Variants in USE1 observed in about 807,000 individuals in gnomAD.
The protein encoded by USE1 is vesicle transport protein USE1.
In USE1, 32 loss-of-function variants were observed where a neutral mutation model predicts 37.6. The observed-to-expected ratio is 0.85, with a 90% CI of 0.64 to 1.14. The LOEUF (loss-of-function observed/expected upper bound fraction) is 1.14, where lower values mean the gene tolerates loss of function less well. USE1 is among the 50% of genes most tolerant of loss of function. The pLI is 0.00. For synonymous variants in USE1, 149 were observed against 137.6 expected, an observed-to-expected ratio of 1.08 and a Z score of -0.58; for missense variants, 310 against 332.2, an observed-to-expected ratio of 0.93 and a Z score of 0.52.
In USE1 at chr19:17,215,599, T is replaced by TAGCCTCTCGGGCAGC. The variant is rs2073283756; in HGVS notation, c.102+93_102+107dup. On this transcript the variant is annotated intron_variant, in intron 1 of 7. Transcript: ENST00000263897. ...ACCTGGCCCGACTCCCCGGCCCCAG[T>TAGCCTCTCGGGCAGC]AGCCTCTCGGGCAGCGCCCTTTCCG... is the stretch of plus-strand genomic sequence containing the variant. 7 of 1,455,692 alleles carry TAGCCTCTCGGGCAGC rather than the reference T, an allele frequency of 4.8e-6. No individual in the cohort carries two copies. In the East Asian group the frequency reaches 1.7e-4, roughly 36 times the overall value. The allele number at this position is 1,455,692 out of a possible 1,614,324, so 90.2% of individuals were successfully genotyped here.
At chr19:17,218,286 C>G in intron 5 of USE1, 78 bp from the exon 6 acceptor site, 1 of 1,594,316 alleles carries the variant, frequency 6.3e-7, no homozygotes, top group South Asian at 1.1e-5. Flanking sequence ...AGCAGTAGAC[C>G]CAGCACAGGC....
In USE1 at chr19:17,217,946, G is replaced by A. The variant is rs2073300809; in HGVS notation, c.395-418G>A. 4 of 352,786 alleles carry A rather than the reference G, an allele frequency of 1.1e-5. No individual in the cohort carries two copies. The Admixed American group carries it at 1.2e-4, about 11-fold the overall frequency. 21.9% of individuals were successfully genotyped at this position (352,786 alleles called of 1,614,324 possible). ...AAAAGCAAAAAAATTAGCCAGGCGT[G>A]GTGACGCACACCTGTAGTCCCAGCA... On this transcript the variant is annotated intron_variant, in intron 5 of 7. Coordinates refer to ENST00000263897, the MANE Select transcript of USE1 (RefSeq NM_018467.4).
intron 6 of USE1, among the ~76,000 whole-genome samples, 173 bp from the exon 7 acceptor site, chr19:17,219,040 T>C (rs1450311818): frequency 8.6e-5 from 12 of 138,796 alleles, no homozygotes; most frequent in African/African-American, 1.1e-4. Context: ...GGCAGGAGAA[T>C]TGCTTGAACC....
At chr19:17,218,557 G>A (rs958622788) in intron 6 of USE1, 166 bp downstream of exon 6, 10 of 798,578 alleles carry the variant, frequency 1.3e-5, no homozygotes, top group Non-Finnish European at 1.9e-5. Flanking sequence ...CAGGCGCAGT[G>A]GCTCACGCCT....
In USE1 at chr19:17,217,885, C is replaced by T. The variant is rs942299960; in HGVS notation, c.394+423C>T. On this transcript the variant is annotated intron_variant, in intron 5 of 7. Coordinates refer to ENST00000263897, the MANE Select transcript of USE1 (RefSeq NM_018467.4). ...TGAGATCACACCACTGCACTCCAGCCGGGGCGACAGAGCAAGACTCCGTCT... is the reference window on the plus strand; with the variant it reads ...TGAGATCACACCACTGCACTCCAGCTGGGGCGACAGAGCAAGACTCCGTCT... 2.3e-5 allele frequency: 8 copies of T among 342,456 alleles called. No individual in the cohort carries two copies. In the East Asian group the frequency reaches 3.2e-4, roughly 14 times the overall value. 21.2% of individuals were successfully genotyped at this position (342,456 alleles called of 1,614,324 possible).
chr19:17,217,723 C>T (rs767382689), intron 5 of USE1: 4 of 518,806 alleles, frequency 7.7e-6, no homozygotes, highest in Non-Finnish European at 1.5e-5. Context: ...ACCAACCTGG[C>T]CAACATGACA....
chr19:17,217,766 G>C (rs2073299604), intron 5 of USE1: 2 of 443,556 alleles, frequency 4.5e-6, no homozygotes, highest in African/African-American at 4.0e-5. Context: ...ACAAAACTTA[G>C]CCGGATGCAG....
chr19:17,217,332 C>G, intron 4 of USE1, 121 bp from the exon 5 acceptor site: 1 of 1,104,852 alleles, frequency 9.1e-7, no homozygotes, highest in Non-Finnish European at 1.3e-6. Flanking sequence ...GATGGAATTT[C>G]ATTATGTTGG....
chr19:17,217,806 G>C, intron 5 of USE1: 1 of 396,960 alleles, frequency 2.5e-6, no homozygotes, highest in South Asian at 1.9e-5. Context: ...CAGCTACTCG[G>C]GAGGCTGAGG....
intron 4 of USE1, 67 bp downstream of exon 4, chr19:17,216,388 G>T (rs2073291156): frequency 6.4e-7 from 1 of 1,573,410 alleles, no homozygotes; most frequent in East Asian, 2.3e-5. Context: ...CTTGTAGGCA[G>T]CCAGAACCAC....
At chr19:17,219,474 G>A (rs1047413269) in intron 7 of USE1, 87 bp downstream of exon 7, 2 of 1,459,064 alleles carry the variant, frequency 1.4e-6, no homozygotes, top group Non-Finnish European at 9.2e-7. Flanking sequence ...CTGGGGCTTT[G>A]CGGGATGAAT....
At position 17,216,032 on chromosome 19, in the gene USE1, G is replaced by A. The variant is rs765661835; in HGVS notation, c.193G>A (p.Val65Met). 6.2e-7 allele frequency: 1 copy of A among 1,610,786 alleles called. No individual in the cohort carries two copies. ...GGTGATCAATGAATATTCCTGGAAG[G>A]TGGATTTTCTGAAGGGGATGCTGCA... ...SEVINEYSWKVDFLKGMLQAE... is the reference protein window; with the variant it reads ...SEVINEYSWKMDFLKGMLQAE... The change falls in exon 3 of 8, where the codon GTG (valine) becomes ATG (methionine). Residue 65 changes from valine to methionine, a missense_variant. Coordinates refer to ENST00000263897, the MANE Select transcript of USE1 (RefSeq NM_018467.4).
intron 4 of USE1, 90 bp from the exon 5 acceptor site, chr19:17,217,363 T>C: frequency 1.4e-6 from 2 of 1,458,392 alleles, no homozygotes; most frequent in South Asian, 2.4e-5. Flanking sequence ...CTCGAACTTC[T>C]GACCTCAGGT....
intron 4 of USE1, among the ~76,000 whole-genome samples, chr19:17,217,248 G>T (rs1306842660): frequency 6.6e-6 from 1 of 150,784 alleles, no homozygotes; most frequent in Non-Finnish European, 1.5e-5. Context: ...CAATACTCCT[G>T]CCTCAGCCTC....
intron 2 of USE1, 40 bp from the exon 3 acceptor site, chr19:17,215,952 A>T (rs1251932456): frequency 1.3e-6 from 2 of 1,583,226 alleles, no homozygotes; most frequent in Non-Finnish European, 1.7e-6. Flanking sequence ...TGAGCTGGGG[A>T]CCATGGACAG....
chr19:17,218,269 C>G, intron 5 of USE1, 95 bp from the exon 6 acceptor site: 1 of 1,545,690 alleles, frequency 6.5e-7, no homozygotes, highest in Non-Finnish European at 8.8e-7. Flanking sequence ...GAGGAAACAG[C>G]ATTCCAAGCA....
intron 6 of USE1, chr19:17,218,972 CA>C: frequency 2.9e-6 from 1 of 350,428 alleles, no homozygotes; most frequent in South Asian, 5.0e-5. Context: ...ACTAAAAATA[CA>C]AAAATTAGCT....
intron 6 of USE1, 34 bp downstream of exon 6, chr19:17,218,425 A>G (rs1599440398): frequency 6.2e-7 from 1 of 1,613,226 alleles, no homozygotes; most frequent in Non-Finnish European, 8.5e-7. Context: ...AGTAGTGGCA[A>G]TTGGGCGGTG....
Position 17,218,355 on chromosome 19 carries a change from T to C in USE1, c.395-9T>C, listed in dbSNP as rs1212771142. The C allele has an allele frequency of 7.4e-6, 12 of 1,613,548 alleles. No individual in the cohort carries two copies. The African/African-American group carries it at 1.5e-4, about 20-fold the overall frequency. Reference sequence around the variant, plus strand: ...CTCGCCTTTTTTGCTTGGCCTGTTTTGCTTTCAGAGCCTGAGATGGACGTA... The same window carrying C: ...CTCGCCTTTTTTGCTTGGCCTGTTTCGCTTTCAGAGCCTGAGATGGACGTA... On this transcript the variant is annotated splice_polypyrimidine_tract_variant and intron_variant, in intron 5 of 7. Coordinates refer to ENST00000263897, the MANE Select transcript of USE1 (RefSeq NM_018467.4).
Sources: allele counts gnomAD v4.1 joint callset (sites outside exome capture counted in the v4.1 genomes callset), GRCh38; gene constraint gnomAD v4.1.1; transcripts MANE v1.5; gene names NCBI Gene and HGNC (gene_info 2026-07-23, HGNC 2026-07-21).